The following PDCD4 variants were observed in gnomAD, a reference collection of about 807,000 sequenced individuals.
PDCD4 encodes programmed cell death 4, also known as programmed cell death protein 4.
In PDCD4, 56 loss-of-function variants were observed where a neutral mutation model predicts 54.0. That is an observed-to-expected ratio of 1.04 (90% CI 0.84 to 1.30). The LOEUF is 1.30. Ranked by LOEUF, PDCD4 falls within the 50% of genes most tolerant of loss-of-function variation. The probability of loss-of-function intolerance (pLI) is 0.00; values close to 1 mark genes in which losing one functional copy is unlikely to be tolerated. For missense variants in PDCD4, 584 were observed against 559.8 expected (o/e 1.04, Z -0.44); for synonymous variants, 186 against 194.8 (o/e 0.95, Z 0.37).
rs1590741365 is a variant in PDCD4, at chr10:110,898,266, T to C, written c.*178T>C. ...TTTAAAGGAAATGTTTTTTCTTTTTTTTTTGTTTTTCGAGGGGGCAAGGAG... is the reference window on the plus strand; with the variant it reads ...TTTAAAGGAAATGTTTTTTCTTTTTCTTTTGTTTTTCGAGGGGGCAAGGAG... On this transcript the variant is annotated 3_prime_UTR_variant, in exon 12 of 12. Coordinates refer to ENST00000280154, the MANE Select transcript of PDCD4 (RefSeq NM_014456.5). 7.4e-6 allele frequency: 3 copies of C among 404,128 alleles called. No homozygotes were observed. The highest frequency in any genetic ancestry group is 4.1e-5 in the African/African-American group (2 of 48,592). 25.0% of individuals were successfully genotyped at this position (404,128 alleles called of 1,614,324 possible).
intron 1 of PDCD4, among the ~76,000 whole-genome samples, chr10:110,872,573 C>A (rs1480096837): frequency 4.6e-5 from 7 of 152,172 alleles, no homozygotes; most frequent in Non-Finnish European, 1.0e-4. Flanking sequence ...GCTGGGACTT[C>A]GGGGGTCCTA....
chr10:110,885,877 A>G (rs1845663402), intron 5 of PDCD4, among the ~76,000 whole-genome samples: 1 of 152,200 alleles, frequency 6.6e-6, no homozygotes, highest in Non-Finnish European at 1.5e-5. Context: ...GAGAATAATC[A>G]TGATTTGTTC....
At chr10:110,879,753 GTA>G (rs1253762573) in intron 2 of PDCD4, among the ~76,000 whole-genome samples, 1 of 152,020 alleles carries the variant, frequency 6.6e-6, no homozygotes, top group Non-Finnish European at 1.5e-5. Flanking sequence ...TCTTCATTCA[GTA>G]TAGTTTGAAG....
At chr10:110,882,571 G>A (rs1251428306) in intron 3 of PDCD4, among the ~76,000 whole-genome samples, 1 of 152,054 alleles carries the variant, frequency 6.6e-6, no homozygotes, top group Non-Finnish European at 1.5e-5. Context: ...ATATTTGATG[G>A]TGGTTACTGT....
At chr10:110,884,239 G>A (rs1247255924) in intron 4 of PDCD4, among the ~76,000 whole-genome samples, 1 of 152,132 alleles carries the variant, frequency 6.6e-6, no homozygotes, top group Non-Finnish European at 1.5e-5. Flanking sequence ...TCGTGCATTC[G>A]TCACATGGTA....
intron 3 of PDCD4, among the ~76,000 whole-genome samples, chr10:110,882,742 T>C (rs764930284): frequency 3.9e-5 from 6 of 152,206 alleles, no homozygotes; most frequent in Admixed American, 1.3e-4. Flanking sequence ...GCTATTTTTT[T>C]ATCTTTATTT....
At chr10:110,884,509 T>G (rs1845639188) in intron 4 of PDCD4, among the ~76,000 whole-genome samples, 1 of 152,194 alleles carries the variant, frequency 6.6e-6, no homozygotes, top group Admixed American at 6.5e-5. Flanking sequence ...TGTTATACTT[T>G]TTATTATAAT....
chr10:110,876,801 A>G, intron 2 of PDCD4: 1 of 655,240 alleles, frequency 1.5e-6, no homozygotes, highest in East Asian at 3.2e-5. Flanking sequence ...TTTAAAAATA[A>G]TCTCCCAAAA....
At chr10:110,883,282 C>G (rs1845619905) in intron 4 of PDCD4, among the ~76,000 whole-genome samples, 185 bp downstream of exon 4, 1 of 152,244 alleles carries the variant, frequency 6.6e-6, no homozygotes, top group South Asian at 2.1e-4. Flanking sequence ...AAAAATAGCT[C>G]TTTAGAAATT....
intron 2 of PDCD4, chr10:110,876,548 T>C (rs1010872422): frequency 7.6e-6 from 3 of 393,490 alleles, no homozygotes; most frequent in Non-Finnish European, 1.4e-5. Flanking sequence ...TAGTACAGAA[T>C]AGAGAAGAAT....
rs549069926 is a variant in PDCD4 at position 110,898,981 on chromosome 10, G to A, written c.*893G>A. On this transcript the variant is annotated 3_prime_UTR_variant, in exon 12 of 12. Coordinates refer to ENST00000280154, the MANE Select transcript of PDCD4 (RefSeq NM_014456.5). ...GTTATCTGACCTAGAGCTTAATTAA[G>A]TTTTAGAAATATGTAATACCTTCCA... 7.2e-6 allele frequency: 1 copy of A among 138,408 alleles called. No individual in the cohort carries two copies. The highest frequency in any genetic ancestry group is 1.6e-5 in the Non-Finnish European group (1 of 62,158). The allele number at this position is 138,408 out of a possible 1,614,324, so 8.6% of individuals were successfully genotyped here.
At chr10:110,882,777 C>G (rs1350499775) in intron 3 of PDCD4, among the ~76,000 whole-genome samples, 1 of 152,064 alleles carries the variant, frequency 6.6e-6, no homozygotes, top group African/African-American at 2.4e-5. Flanking sequence ...TTTAAAGCAT[C>G]TGCTTTTTTA....
At position 110,882,986 on chromosome 10, in the gene PDCD4, A is replaced by G. The variant is rs367841905; in HGVS notation, c.347-17A>G. On this transcript the variant is annotated splice_polypyrimidine_tract_variant and intron_variant, in intron 3 of 11. Transcript: ENST00000280154. ...TGAATTTTGTGTTTTTTCTTTCTCA[A>G]TGCTAAACTTTTTCAGGTGGTGCAG... 14 of 1,509,572 alleles carry G rather than the reference A, an allele frequency of 9.3e-6. No homozygotes were observed. Among genetic ancestry groups the G allele is most frequent in the Admixed American group, 1.8e-5 (1 of 57,042 alleles). 93.5% of individuals were successfully genotyped at this position (1,509,572 alleles called of 1,614,324 possible).
chr10:110,887,183 G>T (rs1845681278), intron 5 of PDCD4, among the ~76,000 whole-genome samples: 2 of 152,000 alleles, frequency 1.3e-5, no homozygotes, highest in African/African-American at 4.8e-5. Context: ...TCTTTTCTGT[G>T]TTTAGATAGG....
In PDCD4 at chr10:110,881,532, A is replaced by G; in HGVS notation, c.343A>G (p.Lys115Glu). Residue 115 changes from lysine (K) to glutamate (E), a missense_variant, in exon 3 of 12, where the codon AAA becomes GAA. Transcript: ENST00000280154. ...RSGKGRGLPK[K>E]GGAGGKGVWG... ...TGGGAAAGGAAGGGGACTACCAAAG[A>G]AAGGTTGGTATATATCATGTCCAAC... 6.2e-7 allele frequency: 1 copy of G among 1,609,984 alleles called. No homozygotes were observed. Among genetic ancestry groups the G allele is most frequent in the Non-Finnish European group, 8.5e-7 (1 of 1,176,790 alleles).
intron 2 of PDCD4, 79 bp from the exon 3 acceptor site, chr10:110,881,154 A>C: frequency 9.6e-7 from 1 of 1,045,516 alleles, no homozygotes; most frequent in South Asian, 1.6e-5. Context: ...GATTCAACCT[A>C]ATCTAACTTA....
At chr10:110,872,882 G>T (rs1425645554) in intron 1 of PDCD4, among the ~76,000 whole-genome samples, 1 of 152,116 alleles carries the variant, frequency 6.6e-6, no homozygotes, top group Non-Finnish European at 1.5e-5. Context: ...ACTGTCTGCA[G>T]ACGTCAATTT....
At chr10:110,888,769 T>C (rs1308485697) in intron 6 of PDCD4, among the ~76,000 whole-genome samples, 1 of 152,190 alleles carries the variant, frequency 6.6e-6, no homozygotes, top group Non-Finnish European at 1.5e-5. Flanking sequence ...ATTTTATGTG[T>C]ATACCATTTA....
chr10:110,893,683 C>T (rs778009068), intron 8 of PDCD4, among the ~76,000 whole-genome samples: 21 of 152,142 alleles, frequency 1.4e-4, no homozygotes, highest in Middle Eastern at 3.4e-3. Context: ...GCTCTCAGTG[C>T]ACTATTAAGA....
Sources: allele counts gnomAD v4.1 joint callset (sites outside exome capture counted in the v4.1 genomes callset), GRCh38; gene constraint gnomAD v4.1.1; transcripts MANE v1.5; gene names NCBI Gene and HGNC (gene_info 2026-07-23, HGNC 2026-07-21).